Variants in ZNF365 observed in about 807,000 individuals in gnomAD.
ZNF365 encodes zinc finger protein 365.
Under a neutral mutation model 35.0 loss-of-function variants are expected in ZNF365, and 22 were observed. That is an observed-to-expected ratio of 0.63 (90% CI 0.45 to 0.90). The LOEUF is 0.90. ZNF365 is among the 40% of genes least tolerant of loss of function. ZNF365 has a pLI of 0.00. For missense variants in ZNF365, 448 were observed against 500.3 expected, an observed-to-expected ratio of 0.90 and a Z score of 1.00; for synonymous variants, 188 against 196.2, an observed-to-expected ratio of 0.96 and a Z score of 0.35.
At chr10:62,449,312 G>A (rs1476318048) in intron 3 of ZNF365, among the ~76,000 whole-genome samples, 1 of 152,134 alleles carries the variant, frequency 6.6e-6, no homozygotes, top group African/African-American at 2.4e-5. Context: ...TGTTTTGGGG[G>A]GCAAGGGAAA....
chr10:62,472,116 T>A (rs982645388), intron 4 of ZNF365, among the ~76,000 whole-genome samples: 3 of 152,250 alleles, frequency 2.0e-5, no homozygotes, highest in Non-Finnish European at 4.4e-5. Flanking sequence ...AACATGCACC[T>A]GTCATAGATT....
At chr10:62,451,806 G>A (rs1172487089) in intron 3 of ZNF365, among the ~76,000 whole-genome samples, 5 of 152,170 alleles carry the variant, frequency 3.3e-5, no homozygotes, top group African/African-American at 7.2e-5. Context: ...TCCAGCTGAC[G>A]CCACAGCCTC....
At chr10:62,467,112 A>T (rs1221679185) in intron 4 of ZNF365, among the ~76,000 whole-genome samples, 1 of 152,254 alleles carries the variant, frequency 6.6e-6, no homozygotes, top group African/African-American at 2.4e-5. Flanking sequence ...AAAAGGGCAG[A>T]TTTCATTTGC....
chr10:62,461,455 G>C (rs1176948147), intron 4 of ZNF365, among the ~76,000 whole-genome samples: 1 of 152,214 alleles, frequency 6.6e-6, no homozygotes, highest in Non-Finnish European at 1.5e-5. Flanking sequence ...CACAGATGGG[G>C]AAACTCCATC....
intron 3 of ZNF365, among the ~76,000 whole-genome samples, chr10:62,441,614 A>G (rs2132465286): frequency 6.6e-6 from 1 of 152,252 alleles, no homozygotes; most frequent in East Asian, 1.9e-4. Context: ...GGTTGTGTCC[A>G]GTCATCAGCC....
At chr10:62,411,207 A>C (rs1180565040) in intron 3 of ZNF365, among the ~76,000 whole-genome samples, 1 of 152,034 alleles carries the variant, frequency 6.6e-6, no homozygotes, top group East Asian at 1.9e-4. Flanking sequence ...AGATTGCAAA[A>C]ATTTTCTCCC....
In ZNF365 at chr10:62,376,647, G is replaced by A; in HGVS notation, c.454G>A (p.Asp152Asn). 1 of 1,614,152 alleles carries A rather than the reference G, an allele frequency of 6.2e-7. No individual in the cohort carries two copies. Among genetic ancestry groups the A allele is most frequent in the Non-Finnish European group, 8.5e-7 (1 of 1,180,042 alleles). The stretch of plus-strand genomic sequence containing the variant: ...GTCGGGTCCTGGACTGCCCACCTCA[G>A]ACACCAAAGCTTCTTTCGAGGCACA... The part of the protein sequence containing the change: ...TRSGPGLPTS[D>N]TKASFEAHVR... The change falls in exon 2 of 5, where the codon GAC (aspartate) becomes AAC (asparagine). Residue 152 changes from aspartate to asparagine, a missense_variant. Physicochemically the swap from Asp to Asn is conservative, Grantham distance 23. Coordinates refer to ENST00000395254, the MANE Select transcript of ZNF365 (RefSeq NM_014951.3).
intron 3 of ZNF365, among the ~76,000 whole-genome samples, chr10:62,422,585 G>T (rs74620716): frequency 0.016 from 2,458 of 152,304 alleles, 59 homozygotes; most frequent in East Asian, 0.086. Flanking sequence ...AAATGGAGCT[G>T]TGAGAAAACC....
chr10:62,460,612 C>T (rs1384241318), intron 4 of ZNF365, among the ~76,000 whole-genome samples: 1 of 152,142 alleles, frequency 6.6e-6, no homozygotes, highest in African/African-American at 2.4e-5. Context: ...TAAGTGGGGA[C>T]TACTGTATAG....
At chr10:62,388,768 T>G (rs1398164301) in intron 3 of ZNF365, among the ~76,000 whole-genome samples, 192 bp downstream of exon 3, 1 of 152,200 alleles carries the variant, frequency 6.6e-6, no homozygotes. Flanking sequence ...AGGTAAATGC[T>G]GCATGTGCCG....
At chr10:62,380,375 C>T (rs1839417296) in intron 2 of ZNF365, among the ~76,000 whole-genome samples, 1 of 152,164 alleles carries the variant, frequency 6.6e-6, no homozygotes, top group Admixed American at 6.5e-5. Context: ...ATCTTAATAA[C>T]ATTTTCTTTA....
At chr10:62,446,980 C>T (rs186206562) in intron 3 of ZNF365, among the ~76,000 whole-genome samples, 9 of 152,214 alleles carry the variant, frequency 5.9e-5, no homozygotes, top group Admixed American at 2.6e-4. Flanking sequence ...TGAGGACACC[C>T]GGCTTCATTT....
In ZNF365 at chr10:62,447,481, T is replaced by G. The variant is rs567675941; in HGVS notation, c.925-12260T>G. Among the ~76,000 whole-genome samples, 69 of 152,294 alleles carry G rather than the reference T, an allele frequency of 4.5e-4. 2 individuals are homozygous for G. The South Asian group carries it at 6.0e-3, about 13-fold the overall frequency. On this transcript the variant is annotated intron_variant, in intron 3 of 4. Coordinates refer to the ZNF365 transcript ENST00000395255. ...TCACTCACACTCTGGCATATTCTGTTATTTCCTCCAATCCCTTGTGGCATG... is the reference window on the plus strand; with the variant it reads ...TCACTCACACTCTGGCATATTCTGTGATTTCCTCCAATCCCTTGTGGCATG...
intron 4 of ZNF365, among the ~76,000 whole-genome samples, chr10:62,474,788 T>A (rs1216064907): frequency 1.3e-5 from 2 of 152,186 alleles, no homozygotes; most frequent in Non-Finnish European, 2.9e-5. Flanking sequence ...CAAGTTGACA[T>A]AACTAACCAT....
At chr10:62,428,108 T>G (rs1840277292) in intron 3 of ZNF365, among the ~76,000 whole-genome samples, 1 of 152,184 alleles carries the variant, frequency 6.6e-6, no homozygotes, top group Non-Finnish European at 1.5e-5. Flanking sequence ...ATTAATTCCC[T>G]GCGTGTCAGG....
intron 3 of ZNF365, among the ~76,000 whole-genome samples, chr10:62,420,836 G>T (rs998557421): frequency 6.6e-6 from 1 of 151,666 alleles, no homozygotes; most frequent in African/African-American, 2.4e-5. Flanking sequence ...GGGCTGGAGT[G>T]CAGTGGCGCC....
At position 62,399,612 on chromosome 10, in the gene ZNF365, G is replaced by A. The variant is rs764819393; in HGVS notation, c.1047G>A (p.Lys349=). 6.2e-7 allele frequency: 1 copy of A among 1,614,114 alleles called. No individual in the cohort carries two copies. Among genetic ancestry groups the A allele is most frequent in the Non-Finnish European group, 8.5e-7 (1 of 1,180,038 alleles). ...FHPKGRNHLK[K]AKDDRASMQP... is the part of the protein sequence containing the mutation. ...CAAAGGGAAGGAACCACCTGAAAAA[G>A]GCCAAGGATGACAGAGCCAGCATGC... Residue 349 remains lysine (K), a synonymous_variant, in exon 5 of 5, where the codon AAG becomes AAA. Coordinates refer to ENST00000395254, the MANE Select transcript of ZNF365 (RefSeq NM_014951.3).
At chr10:62,435,441 G>C (rs144560714) in intron 3 of ZNF365, among the ~76,000 whole-genome samples, 215 of 152,252 alleles carry the variant, frequency 1.4e-3, no homozygotes, top group African/African-American at 4.6e-3. Context: ...ACTAGCTCTG[G>C]TTTAAGTGAT....
chr10:62,444,087 G>A (rs1012156022), intron 3 of ZNF365, among the ~76,000 whole-genome samples: 8 of 152,174 alleles, frequency 5.3e-5, no homozygotes, highest in African/African-American at 1.9e-4. Context: ...GGGCTGAGAA[G>A]TGTCAGACTG....
Sources: allele counts gnomAD v4.1 joint callset (sites outside exome capture counted in the v4.1 genomes callset), GRCh38; gene constraint gnomAD v4.1.1; transcripts MANE v1.5; gene names NCBI Gene and HGNC (gene_info 2026-07-23, HGNC 2026-07-21).